The following NKAIN2 variants were observed in gnomAD, a reference collection of about 807,000 sequenced individuals.
NKAIN2 encodes the protein sodium/potassium transporting ATPase interacting 2.
Under a neutral mutation model 32.6 loss-of-function variants are expected in NKAIN2, and 14 were observed. The ratio of observed to expected loss-of-function variants is 0.43; its 90% CI spans 0.28 to 0.67. The LOEUF (loss-of-function observed/expected upper bound fraction) is 0.67. NKAIN2 is among the 30% of genes least tolerant of loss of function. The pLI is 0.17. For synonymous variants in NKAIN2, 80 were observed against 87.2 expected (o/e 0.92, Z 0.46); for missense variants, 198 against 258.3 (o/e 0.77, Z 1.60).
chr6:124,332,458 A>G (rs1229416121), intron 2 of NKAIN2, among the ~76,000 whole-genome samples: 1 of 152,148 alleles, frequency 6.6e-6, no homozygotes, highest in East Asian at 1.9e-4. Context: ...TTATTTTAAC[A>G]TATCCTCTAA....
At chr6:124,633,461 C>A (rs949299257) in intron 3 of NKAIN2, among the ~76,000 whole-genome samples, 1 of 152,094 alleles carries the variant, frequency 6.6e-6, no homozygotes, top group Admixed American at 6.6e-5. Flanking sequence ...ATTAGTATTT[C>A]ATTTCTTCTC....
In NKAIN2 at chr6:124,374,031, C is replaced by T. The variant is rs967676944; in HGVS notation, c.273+18684C>T. On this transcript the variant is annotated intron_variant, in intron 3 of 6. Coordinates refer to ENST00000368417, the MANE Select transcript of NKAIN2 (RefSeq NM_001040214.3). ...GATGTTTGTATGCTGATGGAAGCAA[C>T]ATAGTGAGACGGAGAAACTGATGGA... 4.0e-4 allele frequency among the ~76,000 whole-genome samples: 61 copies of T among 152,064 alleles called. No homozygotes were observed. In the Middle Eastern group the frequency reaches 0.014, roughly 34 times the overall value.
chr6:123,952,969 C>T (rs138758824), intron 1 of NKAIN2, among the ~76,000 whole-genome samples: 1,523 of 152,250 alleles, frequency 0.01, 8 homozygotes, highest in Non-Finnish European at 0.016. Flanking sequence ...TGTATCCTTA[C>T]ATTGATATCT....
At chr6:124,708,167 T>A (rs1484252309) in intron 4 of NKAIN2, among the ~76,000 whole-genome samples, 2 of 145,496 alleles carry the variant, frequency 1.4e-5, no homozygotes, top group Non-Finnish European at 3.0e-5. Flanking sequence ...TGCGGCATTA[T>A]TTCTGAGGGC....
chr6:124,037,378 A>G (rs187687712), intron 1 of NKAIN2, among the ~76,000 whole-genome samples: 1 of 152,272 alleles, frequency 6.6e-6, no homozygotes, highest in Admixed American at 6.5e-5. Context: ...ATAATTTTAT[A>G]TCAATAATCT....
At chr6:124,617,498 C>A (rs1440593181) in intron 3 of NKAIN2, among the ~76,000 whole-genome samples, 1 of 152,194 alleles carries the variant, frequency 6.6e-6, no homozygotes, top group Non-Finnish European at 1.5e-5. Context: ...AAGAATCCTT[C>A]TATGATCTTC....
chr6:124,781,666 T>TGAGCTA (rs1279868837), intron 4 of NKAIN2, among the ~76,000 whole-genome samples: 15 of 152,122 alleles, frequency 9.9e-5, no homozygotes, highest in Admixed American at 9.8e-4. Context: ...CACCCTTGCA[T>TGAGCTA]TGGCTATGAG....
chr6:124,735,470 TA>T (rs1175947740), intron 4 of NKAIN2, among the ~76,000 whole-genome samples: 2 of 151,896 alleles, frequency 1.3e-5, no homozygotes, highest in South Asian at 2.1e-4. Flanking sequence ...AGTACAGAGT[TA>T]AAAAAATAAA....
intron 4 of NKAIN2, among the ~76,000 whole-genome samples, chr6:124,684,755 C>T (rs1172350305): frequency 9.2e-5 from 14 of 152,144 alleles, no homozygotes; most frequent in Non-Finnish European, 2.1e-4. Context: ...AACTAGAATT[C>T]ATTGAGTGCT....
intron 1 of NKAIN2, among the ~76,000 whole-genome samples, chr6:123,834,287 TG>T (rs1371181345): frequency 1.3e-5 from 2 of 152,104 alleles, no homozygotes; most frequent in East Asian, 3.9e-4. Context: ...CCTGAATAGC[TG>T]GGATTACAGG....
intron 4 of NKAIN2, among the ~76,000 whole-genome samples, chr6:124,700,418 G>A (rs1396967206): frequency 6.6e-6 from 1 of 152,128 alleles, no homozygotes; most frequent in Non-Finnish European, 1.5e-5. Context: ...AAAGCAAGAG[G>A]TTCATAACAA....
At chr6:124,063,758 A>T (rs1783027597) in intron 1 of NKAIN2, among the ~76,000 whole-genome samples, 1 of 152,092 alleles carries the variant, frequency 6.6e-6, no homozygotes. Flanking sequence ...TAGTATATTT[A>T]TTTGAATATA....
intron 4 of NKAIN2, among the ~76,000 whole-genome samples, chr6:124,779,604 T>C (rs6926274): frequency 0.18 from 26,930 of 152,008 alleles, 3,104 homozygotes; most frequent in African/African-American, 0.32. Context: ...GCAAACATCA[T>C]ACAGAGACCT....
chr6:124,179,774 C>G (rs1451401175), intron 1 of NKAIN2, among the ~76,000 whole-genome samples: 1 of 152,178 alleles, frequency 6.6e-6, no homozygotes, highest in East Asian at 1.9e-4. Flanking sequence ...AAGCAATGTG[C>G]AAACATCAAA....
chr6:124,546,450 C>T (rs1236734441), intron 3 of NKAIN2, among the ~76,000 whole-genome samples: 1 of 152,098 alleles, frequency 6.6e-6, no homozygotes, highest in Non-Finnish European at 1.5e-5. Context: ...CTCTGGGATT[C>T]ATTCACCTCC....
At chr6:124,692,827 A>G (rs977492625) in intron 4 of NKAIN2, among the ~76,000 whole-genome samples, 2 of 152,146 alleles carry the variant, frequency 1.3e-5, no homozygotes, top group Admixed American at 1.3e-4. Flanking sequence ...AAGAAAAAAA[A>G]AAATATATGT....
intron 3 of NKAIN2, among the ~76,000 whole-genome samples, chr6:124,363,170 A>G (rs144143895): frequency 9.2e-5 from 14 of 152,250 alleles, no homozygotes; most frequent in African/African-American, 2.4e-4. Flanking sequence ...ATCCTTATAA[A>G]TTGACCATGA....
intron 1 of NKAIN2, among the ~76,000 whole-genome samples, chr6:124,221,600 G>A: frequency 6.6e-6 from 1 of 152,028 alleles, no homozygotes; most frequent in East Asian, 1.9e-4. Flanking sequence ...AATTAAGGTA[G>A]AATGTTACCA....
chr6:123,982,473 A>T (rs1778943767), intron 1 of NKAIN2, among the ~76,000 whole-genome samples: 2 of 152,086 alleles, frequency 1.3e-5, no homozygotes, highest in Non-Finnish European at 2.9e-5. Flanking sequence ...TTGAACACAG[A>T]ATGAAGAAAG....
Sources: allele counts gnomAD v4.1 joint callset (sites outside exome capture counted in the v4.1 genomes callset), GRCh38; gene constraint gnomAD v4.1.1; transcripts MANE v1.5; gene names NCBI Gene and HGNC (gene_info 2026-07-23, HGNC 2026-07-21).